SYNJ1: variants seen among roughly 807,000 people sequenced by gnomAD.
SYNJ1 encodes synaptojanin 1, also known as polyphosphatidylinositol phosphatase SYNJ1.
A neutral mutation model predicts 168.2 loss-of-function variants in SYNJ1; 78 were observed. The observed-to-expected ratio is 0.46, with a 90% confidence interval of 0.39 to 0.56. The LOEUF is 0.56. Among genes scored for constraint, SYNJ1 ranks in the 20% least tolerant of loss-of-function variants. The pLI is 0.00. For synonymous variants in SYNJ1, 539 were observed against 548.6 expected, an observed-to-expected ratio of 0.98 and a Z score of 0.24; for missense variants, 1,303 against 1,597.6, an observed-to-expected ratio of 0.82 and a Z score of 3.14.
In SYNJ1 at chr21:32,695,273, A is replaced by C. The variant is rs755429775; in HGVS notation, c.489T>G (p.Ser163=). 6.2e-7 allele frequency: 1 copy of C among 1,613,662 alleles called. No individual in the cohort carries two copies. Among genetic ancestry groups the C allele is most frequent in the African/African-American group, 1.3e-5 (1 of 75,048 alleles). The change falls in exon 5 of 33, where the codon TCT becomes TCG. Residue 163 remains serine, a synonymous_variant. Transcript: ENST00000674351. The part of the protein sequence containing the change: ...TTDNRFFWNQ[S]LHLHLKHYGV... Reference sequence around the variant, plus strand: ...CATAGTGTTTGAGATGCAAATGCAAAGACTGATTCCTAATAGGAAAAGAAA... The same window carrying C: ...CATAGTGTTTGAGATGCAAATGCAACGACTGATTCCTAATAGGAAAAGAAA...
At position 32,631,776 on chromosome 21, in the gene SYNJ1, C is replaced by T; in HGVS notation, c.*29G>A. ...AATCTTTAATGGTGATTCTCTTTTGCCATCAGAGATTCCATTTGTTTTTAC... is the reference window on the plus strand; with the variant it reads ...AATCTTTAATGGTGATTCTCTTTTGTCATCAGAGATTCCATTTGTTTTTAC... On this transcript the variant is annotated 3_prime_UTR_variant, in exon 33 of 33. Coordinates refer to ENST00000674351, the MANE Select transcript of SYNJ1 (RefSeq NM_203446.3). 1.6e-5 allele frequency: 26 copies of T among 1,610,938 alleles called. No homozygotes were observed. The highest frequency in any genetic ancestry group is 2.2e-5 in the Non-Finnish European group (26 of 1,178,238).
chr21:32,653,228 T>C (rs2040339572), intron 22 of SYNJ1, 60 bp downstream of exon 22: 1 of 1,337,192 alleles, frequency 7.5e-7, no homozygotes. Flanking sequence ...TATAAAAATA[T>C]CATACCATCT....
chr21:32,633,328 G>A (rs62214739), intron 32 of SYNJ1, among the ~76,000 whole-genome samples: 63 of 152,266 alleles, frequency 4.1e-4, no homozygotes, highest in Admixed American at 1.4e-3. Context: ...TAAAGAAGGT[G>A]GTTGGAGTGG....
intron 31 of SYNJ1, among the ~76,000 whole-genome samples, chr21:32,637,743 A>C (rs1480318009): frequency 6.6e-6 from 1 of 152,198 alleles, no homozygotes. Flanking sequence ...AAACTAAAAA[A>C]ATATAGAATT....
intron 6 of SYNJ1, among the ~76,000 whole-genome samples, chr21:32,691,036 A>C (rs945897569): frequency 5.3e-5 from 8 of 152,228 alleles, no homozygotes; most frequent in African/African-American, 1.9e-4. Flanking sequence ...CTGAAATTTC[A>C]ACCAAAAATT....
intron 12 of SYNJ1, 32 bp downstream of exon 12, chr21:32,678,613 T>A: frequency 6.6e-7 from 1 of 1,523,026 alleles, no homozygotes; most frequent in Admixed American, 2.4e-5. Context: ...TTTAGGAATA[T>A]AAATAACAAA....
At chr21:32,683,165 T>A (rs188016692) in intron 10 of SYNJ1, among the ~76,000 whole-genome samples, 33 of 152,254 alleles carry the variant, frequency 2.2e-4, no homozygotes, top group Middle Eastern at 3.4e-3. Context: ...GCTGTTTTTT[T>A]ATAGTATTTG....
intron 3 of SYNJ1, among the ~76,000 whole-genome samples, chr21:32,700,457 C>A (rs1346449794): frequency 6.6e-6 from 1 of 152,090 alleles, no homozygotes; most frequent in African/African-American, 2.4e-5. Context: ...GAATTAAAGA[C>A]CACCCTGACT....
intron 28 of SYNJ1, 27 bp from the exon 29 acceptor site, chr21:32,641,993 T>C: frequency 1.2e-6 from 2 of 1,612,964 alleles, no homozygotes; most frequent in Non-Finnish European, 1.7e-6. Context: ...ATATCATATA[T>C]TTAAGTTTAA....
intron 6 of SYNJ1, among the ~76,000 whole-genome samples, chr21:32,693,855 A>G (rs2042112802): frequency 6.6e-6 from 1 of 152,182 alleles, no homozygotes; most frequent in South Asian, 2.1e-4. Context: ...CCAATTAAGA[A>G]GTCTGGTTCC....
chr21:32,688,396 A>G, intron 6 of SYNJ1, 29 bp from the exon 7 acceptor site: 4 of 1,592,228 alleles, frequency 2.5e-6, no homozygotes, highest in Non-Finnish European at 3.4e-6. Context: ...ATTTAATCAA[A>G]CCAAAAACCA....
At chr21:32,701,924 GA>G in intron 3 of SYNJ1, 36 bp downstream of exon 3, 3 of 1,441,030 alleles carry the variant, frequency 2.1e-6, no homozygotes, top group Non-Finnish European at 1.9e-6. Flanking sequence ...AAATAGAAAT[GA>G]AAAAATGGAT....
At chr21:32,671,975 T>A (rs1424492258) in intron 14 of SYNJ1, among the ~76,000 whole-genome samples, 2 of 147,236 alleles carry the variant, frequency 1.4e-5, no homozygotes, top group Non-Finnish European at 3.0e-5. Flanking sequence ...AGGAGAATCG[T>A]TTGAACTCGG....
At chr21:32,728,152 G>C, upstream of SYNJ1, 1 of 1,306,760 alleles carries the variant, frequency 7.7e-7, no homozygotes, top group South Asian at 1.6e-5. Context: ...ACCCGCGGGC[G>C]GCCCCAGCCT....
chr21:32,640,415 C>G (rs1045665622), intron 29 of SYNJ1, among the ~76,000 whole-genome samples: 1 of 152,074 alleles, frequency 6.6e-6, no homozygotes, highest in African/African-American at 2.4e-5. Flanking sequence ...CCTGCCTCAG[C>G]CTTCCGAGTA....
At chr21:32,698,777 A>G (rs1397728353) in intron 4 of SYNJ1, among the ~76,000 whole-genome samples, 1 of 152,182 alleles carries the variant, frequency 6.6e-6, no homozygotes, top group African/African-American at 2.4e-5. Flanking sequence ...CCAGTATACT[A>G]CTTCTTCACA....
intron 6 of SYNJ1, among the ~76,000 whole-genome samples, chr21:32,689,717 G>A (rs1358265895): frequency 6.6e-6 from 1 of 152,206 alleles, no homozygotes; most frequent in Non-Finnish European, 1.5e-5. Context: ...TAACAGTACA[G>A]TATTATCATT....
At chr21:32,713,883 T>C (rs953098110) in intron 2 of SYNJ1, among the ~76,000 whole-genome samples, 12 of 152,178 alleles carry the variant, frequency 7.9e-5, no homozygotes, top group Non-Finnish European at 1.5e-5. Context: ...AACTATTCCA[T>C]GATGTAAGAG....
chr21:32,711,695 G>A (rs1251946903), intron 2 of SYNJ1, among the ~76,000 whole-genome samples: 1 of 152,048 alleles, frequency 6.6e-6, no homozygotes. Flanking sequence ...TTACAACCTC[G>A]TTTCTCAAAT....
Sources: allele counts gnomAD v4.1 joint callset (sites outside exome capture counted in the v4.1 genomes callset), GRCh38; gene constraint gnomAD v4.1.1; transcripts MANE v1.5; gene names NCBI Gene and HGNC (gene_info 2026-07-23, HGNC 2026-07-21).